The following GARS1 variants were observed in gnomAD, a reference collection of about 807,000 sequenced individuals.
GARS1 encodes glycyl-tRNA synthetase 1.
Under a neutral mutation model 86.4 loss-of-function variants are expected in GARS1, and 46 were observed. The ratio of observed to expected loss-of-function variants is 0.53; its 90% CI spans 0.42 to 0.68. The LOEUF is 0.68. GARS1 is among the 30% of genes least tolerant of loss of function. GARS1 has a pLI of 0.00. For missense variants in GARS1, 797 were observed against 915.6 expected, an observed-to-expected ratio of 0.87 and a Z score of 1.67; for synonymous variants, 342 against 329.8, an observed-to-expected ratio of 1.04 and a Z score of -0.40.
In GARS1 at chr7:30,612,118, C is replaced by T; in HGVS notation, c.904C>T (p.Gln302Ter). ...TAGGTACTTGAGACCAGAAACTGCA[C>T]AGGGGATTTTCTTGAATTTCAAACG... ...MPGYLRPETA[Q>*]GIFLNFKRLL... The change falls in exon 8 of 17, where the codon CAG becomes TAG. Residue 302 changes from glutamine to a stop codon, truncating the protein, a stop_gained. Coordinates refer to ENST00000389266, the MANE Select transcript of GARS1 (RefSeq NM_002047.4). LOFTEE classifies it high-confidence loss of function. The T allele has an allele frequency of 6.2e-7, 1 of 1,613,976 alleles. No homozygotes were observed. Among genetic ancestry groups the T allele is most frequent in the Non-Finnish European group, 8.5e-7 (1 of 1,179,870 alleles).
intron 12 of GARS1, among the ~76,000 whole-genome samples, chr7:30,624,121 T>C (rs780030278): frequency 5.3e-5 from 8 of 152,034 alleles, no homozygotes; most frequent in Non-Finnish European, 8.8e-5. Context: ...TTTTTTTTTC[T>C]TAGCTCATCA....
At chr7:30,598,377 C>CTTTTTT (rs1174085518) in intron 1 of GARS1, among the ~76,000 whole-genome samples, 108 of 99,580 alleles carry the variant, frequency 1.1e-3, no homozygotes, top group Non-Finnish European at 1.2e-3. Flanking sequence ...TTGCATCATT[C>CTTTTTT]TTTTTTTTTT....
At chr7:30,626,605 C>T (rs990059342) in intron 13 of GARS1, among the ~76,000 whole-genome samples, 4 of 152,232 alleles carry the variant, frequency 2.6e-5, no homozygotes, top group Non-Finnish European at 4.4e-5. Flanking sequence ...CCTGCCTTCG[C>T]GTCCCAAAGT....
upstream of GARS1, chr7:30,594,753 G>A (rs576984233): frequency 1.5e-5 from 9 of 615,770 alleles, 1 homozygote; most frequent in South Asian, 1.4e-4. Context: ...GGTCCTTCCG[G>A]GTTTTGTGTC....
chr7:30,617,277 A>G lies in GARS1; in HGVS notation c.1358A>G (p.Tyr453Cys), dbSNP rs1246368348. 1.2e-6 allele frequency: 2 copies of G among 1,613,708 alleles called. No individual in the cohort carries two copies. The highest frequency in any genetic ancestry group is 2.2e-5 in the East Asian group (1 of 44,888). The change falls in exon 10 of 17, where the codon TAC becomes TGC. Residue 453 changes from tyrosine to cysteine, a missense_variant and splice_region_variant. By Grantham distance (194) the Tyr-to-Cys change is radical. Coordinates refer to ENST00000389266, the MANE Select transcript of GARS1 (RefSeq NM_002047.4). ...TGGGATGCAGAATCCAAAACATCCT[A>G]CGTAAGTGGAGTGCTGTTTACCATG... ...DCWDAESKTS[Y>C]GWIEIVGCAD...
chr7:30,622,599 T>G, intron 12 of GARS1, 137 bp downstream of exon 12: 1 of 1,029,544 alleles, frequency 9.7e-7, no homozygotes, highest in Non-Finnish European at 1.5e-6. Context: ...AAGACTGTCT[T>G]TGCCGAGATT....
At chr7:30,608,184 C>T (rs912830917) in intron 6 of GARS1, among the ~76,000 whole-genome samples, 3 of 152,106 alleles carry the variant, frequency 2.0e-5, no homozygotes, top group Non-Finnish European at 4.4e-5. Context: ...GCTATTGTGT[C>T]TTTGGGATAG....
chr7:30,622,648 T>C (rs1783038626), intron 12 of GARS1, 186 bp downstream of exon 12: 1 of 652,374 alleles, frequency 1.5e-6, no homozygotes, highest in African/African-American at 1.8e-5. Context: ...AAATAGAATA[T>C]ACTTTTTTTT....
At chr7:30,609,085 T>C (rs1399198911) in intron 6 of GARS1, among the ~76,000 whole-genome samples, 5 of 152,200 alleles carry the variant, frequency 3.3e-5, no homozygotes, top group Admixed American at 3.3e-4. Flanking sequence ...AAGATACAGC[T>C]TCTGTCTTCT....
intron 7 of GARS1, among the ~76,000 whole-genome samples, chr7:30,610,100 C>A (rs780305036): frequency 1.3e-5 from 2 of 152,188 alleles, no homozygotes; most frequent in African/African-American, 2.4e-5. Flanking sequence ...ACGGAACTTT[C>A]TGCAGTGATG....
intron 6 of GARS1, among the ~76,000 whole-genome samples, chr7:30,606,246 T>A (rs1036486900): frequency 6.6e-6 from 1 of 152,098 alleles, no homozygotes; most frequent in Non-Finnish European, 1.5e-5. Flanking sequence ...TGATGTCCAT[T>A]GTTTAGATGC....
chr7:30,629,043 A>G (rs1783186206), intron 14 of GARS1, among the ~76,000 whole-genome samples: 1 of 152,220 alleles, frequency 6.6e-6, no homozygotes, highest in South Asian at 2.1e-4. Flanking sequence ...ACTAAGCTGT[A>G]TCTGTACTCT....
chr7:30,611,956 A>G, intron 7 of GARS1, 140 bp from the exon 8 acceptor site: 1 of 787,380 alleles, frequency 1.3e-6, no homozygotes, highest in Non-Finnish European at 2.2e-6. Flanking sequence ...AAATATTTCT[A>G]AAACTTCATT....
rs138873409 is a variant in GARS1 at position 30,609,869 on chromosome 7, A to T, written c.881+139A>T. The T allele has an allele frequency of 3.2e-4, 226 of 695,714 alleles. 1 individual carries two copies. The highest frequency in any genetic ancestry group is 3.2e-3 in the African/African-American group (178 of 55,364). The allele number at this position is 695,714 out of a possible 1,614,324, so 43.1% of individuals were successfully genotyped here. A position where few individuals can be genotyped will look rare whatever the true frequency, so the allele number is the denominator to read the frequency against. On this transcript the variant is annotated intron_variant, in intron 7 of 16. Transcript: ENST00000389266. ...AGTACAGATGAATGTATTATGGAGAAATAATGGCAGAAATAAATCTTTTAA... is the reference window on the plus strand; with the variant it reads ...AGTACAGATGAATGTATTATGGAGATATAATGGCAGAAATAAATCTTTTAA...
rs538855762 is a variant in GARS1, at chr7:30,595,284, G to T, written c.222+141G>T. 9 of 860,132 alleles carry T rather than the reference G, an allele frequency of 1.0e-5. No homozygotes were observed. The South Asian group carries it at 1.4e-4, about 13-fold the overall frequency. The allele number at this position is 860,132 out of a possible 1,614,324, so 53.3% of individuals were successfully genotyped here. On this transcript the variant is annotated intron_variant, in intron 1 of 16. Coordinates refer to ENST00000389266, the MANE Select transcript of GARS1 (RefSeq NM_002047.4). ...CCCTTCATCCTCTGGCGTCTTCTTC[G>T]CCTCCCCCACTTTGGTCCCAAGTCC...
chr7:30,619,968 G>C (rs1399794163), intron 10 of GARS1, among the ~76,000 whole-genome samples: 2 of 151,702 alleles, frequency 1.3e-5, no homozygotes, highest in Non-Finnish European at 2.9e-5. Context: ...ATGAAGACAG[G>C]ATTTCTCCGT....
At chr7:30,624,613 G>GA (rs1023588721) in intron 12 of GARS1, among the ~76,000 whole-genome samples, 8 of 150,630 alleles carry the variant, frequency 5.3e-5, no homozygotes, top group Middle Eastern at 3.4e-3. Context: ...CAATCACCTG[G>GA]AAAAAAAACA....
intron 12 of GARS1, among the ~76,000 whole-genome samples, chr7:30,625,936 T>G (rs1315498457): frequency 6.6e-6 from 1 of 152,244 alleles, no homozygotes; most frequent in Non-Finnish European, 1.5e-5. Flanking sequence ...AAAAAGTTGT[T>G]TTTGGTTTTA....
At chr7:30,633,710 T>C in intron 16 of GARS1, 25 bp from the exon 17 acceptor site, 1 of 1,613,132 alleles carries the variant, frequency 6.2e-7, no homozygotes, top group Non-Finnish European at 8.5e-7. Context: ...TGGTTGATAC[T>C]TGGCTTCTCT....
Sources: gnomAD v4.1 joint callset for allele counts (sites outside exome capture counted in the v4.1 genomes callset) on GRCh38, gnomAD v4.1.1 for gene constraint, MANE v1.5 for transcripts, NCBI Gene and HGNC (gene_info 2026-07-23, HGNC 2026-07-21) for gene names.